Variants in PCSK2 observed in about 807,000 individuals in gnomAD.
PCSK2 encodes proprotein convertase subtilisin/kexin type 2.
PCSK2 carries 14 observed loss-of-function variants against 69.7 expected under a neutral mutation model. That is an observed-to-expected ratio of 0.20 (90% CI 0.13 to 0.31). The LOEUF (loss-of-function observed/expected upper bound fraction) is 0.31. Ranked by LOEUF, PCSK2 falls within the 10% of genes least tolerant of loss-of-function variation. The pLI is 1.00. For missense variants in PCSK2, 544 were observed against 842.5 expected, an observed-to-expected ratio of 0.65 and a Z score of 4.39; for synonymous variants, 307 against 320.7, an observed-to-expected ratio of 0.96 and a Z score of 0.46.
chr20:17,477,877 T>G (rs2033319303), intron 11 of PCSK2, among the ~76,000 whole-genome samples: 1 of 152,230 alleles, frequency 6.6e-6, no homozygotes, highest in African/African-American at 2.4e-5. Flanking sequence ...TTTATCTATT[T>G]TCTTAATAAA....
intron 6 of PCSK2, among the ~76,000 whole-genome samples, chr20:17,423,631 A>T (rs535017276): frequency 1.9e-5 from 2 of 106,628 alleles, no homozygotes; most frequent in Non-Finnish European, 4.1e-5. Flanking sequence ...CATTAAAATT[A>T]AACACTTTTG....
At chr20:17,256,740 A>G (rs1987191064) in intron 1 of PCSK2, among the ~76,000 whole-genome samples, 1 of 152,000 alleles carries the variant, frequency 6.6e-6, no homozygotes, top group Admixed American at 6.6e-5. Context: ...CATCATCTAC[A>G]TTAGGTATTT....
rs183329537 is a variant in PCSK2 at position 17,440,689 on chromosome 20, C to T, written c.885+3806C>T. Among the ~76,000 whole-genome samples, 14 of 152,136 alleles carry T rather than the reference C, an allele frequency of 9.2e-5. No homozygotes were observed. The East Asian group carries it at 1.6e-3, about 17-fold the overall frequency. ...CAGCCTGATCAAAATGGTGAAACCC[C>T]GTCTCTACTAAAGATACAAAAAATT... is the stretch of plus-strand genomic sequence containing the variant. On this transcript the variant is annotated intron_variant, in intron 8 of 11. Transcript: ENST00000262545.
intron 4 of PCSK2, among the ~76,000 whole-genome samples, chr20:17,361,383 T>A (rs2030389944): frequency 6.6e-6 from 1 of 152,246 alleles, no homozygotes; most frequent in African/African-American, 2.4e-5. Flanking sequence ...TGAAAACCAA[T>A]GGGCTTGATG....
intron 2 of PCSK2, among the ~76,000 whole-genome samples, chr20:17,284,867 A>T (rs1227279684): frequency 2.0e-5 from 3 of 152,202 alleles, no homozygotes; most frequent in Non-Finnish European, 4.4e-5. Context: ...AAGTCATGGG[A>T]CAGGGAGATA....
chr20:17,462,831 G>T (rs576410342), intron 10 of PCSK2, among the ~76,000 whole-genome samples: 1 of 152,084 alleles, frequency 6.6e-6, no homozygotes, highest in Non-Finnish European at 1.5e-5. Context: ...CCTGTATATC[G>T]CAGATACTCC....
intron 1 of PCSK2, among the ~76,000 whole-genome samples, chr20:17,231,981 G>A (rs562843600): frequency 6.6e-6 from 1 of 152,122 alleles, no homozygotes; most frequent in African/African-American, 2.4e-5. Flanking sequence ...CACTCTCCTT[G>A]CAAGGTTAAC....
chr20:17,251,662 T>C (rs1238796114), intron 1 of PCSK2, among the ~76,000 whole-genome samples: 4 of 152,234 alleles, frequency 2.6e-5, no homozygotes. Context: ...TTTTTTCAGC[T>C]AGCTACTTGT....
chr20:17,391,876 GAAAA>G (rs1331842582), intron 5 of PCSK2, among the ~76,000 whole-genome samples: 1 of 143,120 alleles, frequency 7.0e-6, no homozygotes, highest in African/African-American at 2.6e-5. Flanking sequence ...GTGAAAGAAA[GAAAA>G]AAAGAAAGAG....
At chr20:17,427,501 C>T (rs2032273142) in intron 6 of PCSK2, among the ~76,000 whole-genome samples, 1 of 152,346 alleles carries the variant, frequency 6.6e-6, no homozygotes, top group South Asian at 2.1e-4. Flanking sequence ...CAGCTGTGAA[C>T]CCTGGCTCCC....
chr20:17,462,060 T>C (rs1341898003), intron 10 of PCSK2, among the ~76,000 whole-genome samples: 1 of 152,150 alleles, frequency 6.6e-6, no homozygotes, highest in Non-Finnish European at 1.5e-5. Flanking sequence ...GGAGTGCTTG[T>C]TAAAAACACA....
In PCSK2 at chr20:17,449,938, C is replaced by T. The variant is rs138922293; in HGVS notation, c.886-3804C>T. On this transcript the variant is annotated intron_variant, in intron 8 of 11. Transcript: ENST00000262545. ...CAAATCTTCATCTTCGTCCCTCCTT[C>T]CATAGAGTTCAGAGAGGTTCAAAGC... Among the ~76,000 whole-genome samples, 13 of 150,536 alleles carry T rather than the reference C, an allele frequency of 8.6e-5. No homozygotes were observed. In the East Asian group the frequency reaches 2.5e-3, roughly 29 times the overall value.
chr20:17,277,976 T>C (rs1294991800), intron 2 of PCSK2, among the ~76,000 whole-genome samples: 4 of 151,920 alleles, frequency 2.6e-5, no homozygotes, highest in Admixed American at 6.6e-5. Flanking sequence ...AAAATGCTCA[T>C]CATCACTGGC....
At chr20:17,304,530 G>A (rs963419837) in intron 2 of PCSK2, among the ~76,000 whole-genome samples, 4 of 152,158 alleles carry the variant, frequency 2.6e-5, no homozygotes, top group Non-Finnish European at 4.4e-5. Flanking sequence ...ACACTGGACT[G>A]GCAATCTGGG....
chr20:17,418,107 C>A (rs1020522020), intron 6 of PCSK2, among the ~76,000 whole-genome samples: 2 of 152,178 alleles, frequency 1.3e-5, no homozygotes, highest in Non-Finnish European at 2.9e-5. Flanking sequence ...TAAAATAACA[C>A]AAGGACAGCT....
At chr20:17,413,212 C>A (rs1430923068) in intron 6 of PCSK2, among the ~76,000 whole-genome samples, 2 of 152,092 alleles carry the variant, frequency 1.3e-5, no homozygotes, top group African/African-American at 4.8e-5. Flanking sequence ...GGGCTAAATG[C>A]CCCAATTAAA....
chr20:17,347,894 A>AAGG lies in PCSK2; in HGVS notation c.283-10431_283-10430insGAG, dbSNP rs1568612318. Among the ~76,000 whole-genome samples, 51 of 24,570 alleles carry AAGG rather than the reference A, an allele frequency of 2.1e-3. 5 individuals carry two copies. Among genetic ancestry groups the AAGG allele is most frequent in the African/African-American group, 5.4e-3 (49 of 9,152 alleles). The allele number at this position is 24,570 out of a possible 152,430, so 16.1% of individuals were successfully genotyped here. A position where few individuals can be genotyped will look rare whatever the true frequency, so the allele number is the denominator to read the frequency against. On this transcript the variant is annotated intron_variant, in intron 2 of 11. Coordinates refer to ENST00000262545, the MANE Select transcript of PCSK2 (RefSeq NM_002594.5). The stretch of plus-strand genomic sequence containing the variant: ...GAAAAAAGAAAGAAAGAAAGAAAGA[A>AAGG]AGAAAGAAAGAAAGAAAGAAAGAAA...
intron 2 of PCSK2, among the ~76,000 whole-genome samples, chr20:17,298,762 G>A (rs900351443): frequency 6.6e-6 from 1 of 151,894 alleles, no homozygotes; most frequent in Non-Finnish European, 1.5e-5. Context: ...GCCAGTATTT[G>A]AGCAAATCTT....
chr20:17,351,865 A>G (rs2030000667), intron 2 of PCSK2, among the ~76,000 whole-genome samples: 1 of 152,148 alleles, frequency 6.6e-6, no homozygotes, highest in African/African-American at 2.4e-5. Flanking sequence ...CAGGCAAGAG[A>G]ATGAAATAAA....
Sources: allele counts gnomAD v4.1 joint callset (sites outside exome capture counted in the v4.1 genomes callset), GRCh38; gene constraint gnomAD v4.1.1; transcripts MANE v1.5; gene names NCBI Gene and HGNC (gene_info 2026-07-23, HGNC 2026-07-21).